KDM8: variants seen among roughly 807,000 people sequenced by gnomAD.
KDM8 encodes the protein lysine demethylase 8.
In KDM8, 35 loss-of-function variants were observed where a neutral mutation model predicts 46.9. The ratio of observed to expected loss-of-function variants is 0.75; its 90% CI spans 0.57 to 0.99. The LOEUF is 0.99. Among genes scored for constraint, KDM8 ranks in the 50% least tolerant of loss-of-function variants. The pLI, the probability that KDM8 is intolerant of heterozygous loss-of-function variation, is 0.00. For synonymous variants in KDM8, 232 were observed against 227.7 expected (o/e 1.02, Z -0.17); for missense variants, 475 against 537.0 (o/e 0.88, Z 1.14).
chr16:27,204,366 A>G, intron 1 of KDM8: 1 of 1,339,912 alleles, frequency 7.5e-7, no homozygotes, highest in East Asian at 3.1e-5. Flanking sequence ...CGACCCAAAC[A>G]CAAGACTGTG....
chr16:27,216,455 G>A (rs1044527047), intron 5 of KDM8, among the ~76,000 whole-genome samples: 1 of 152,206 alleles, frequency 6.6e-6, no homozygotes, highest in Non-Finnish European at 1.5e-5. Context: ...TCTGCCAGGA[G>A]TGCCCAGGAA....
intron 2 of KDM8, among the ~76,000 whole-genome samples, 197 bp downstream of exon 2, chr16:27,210,818 A>G (rs1356920258): frequency 6.6e-6 from 1 of 152,240 alleles, no homozygotes; most frequent in Non-Finnish European, 1.5e-5. Context: ...GCTGGAGTGC[A>G]GTAGTGTGAT....
At chr16:27,213,456 T>G in intron 2 of KDM8, 129 bp from the exon 3 acceptor site, 1 of 833,028 alleles carries the variant, frequency 1.2e-6, no homozygotes, top group Non-Finnish European at 1.9e-6. Context: ...TAACAAACGT[T>G]GTCTATTGTT....
At chr16:27,203,870 G>A (rs888451646) in intron 1 of KDM8, 2 of 445,218 alleles carry the variant, frequency 4.5e-6, no homozygotes, top group East Asian at 3.6e-5. Context: ...CCGCGCGTGC[G>A]TATGCTCGTC....
At chr16:27,215,529 C>G (rs1269204829) in intron 4 of KDM8, among the ~76,000 whole-genome samples, 2 of 152,128 alleles carry the variant, frequency 1.3e-5, no homozygotes, top group African/African-American at 4.8e-5. Context: ...TGCAGTGAGC[C>G]AAGATCAGGC....
intron 2 of KDM8, chr16:27,211,816 T>A (rs2083487514): frequency 6.6e-6 from 1 of 152,110 alleles, no homozygotes; most frequent in Non-Finnish European, 1.5e-5. Flanking sequence ...GTAGCTGGGA[T>A]TATAGGCACC....
rs1203895125 is a variant in KDM8 at position 27,220,872 on chromosome 16, G to T, written c.*142G>T. ...CACTGCCCAGTGGCAGCCCTGGGGGGCTGAGCTCCAGCACTGGACAGGCAC... is the reference window on the plus strand; with the variant it reads ...CACTGCCCAGTGGCAGCCCTGGGGGTCTGAGCTCCAGCACTGGACAGGCAC... On this transcript the variant is annotated 3_prime_UTR_variant, in exon 8 of 8. Coordinates refer to ENST00000286096, the MANE Select transcript of KDM8 (RefSeq NM_024773.3). 1 of 998,958 alleles carries T rather than the reference G, an allele frequency of 1.0e-6. No homozygotes were observed. Among genetic ancestry groups the T allele is most frequent in the East Asian group, 2.5e-5 (1 of 40,008 alleles). 61.9% of individuals were successfully genotyped at this position (998,958 alleles called of 1,614,324 possible).
intron 1 of KDM8, among the ~76,000 whole-genome samples, chr16:27,204,706 G>A (rs2083410750): frequency 6.6e-6 from 1 of 152,148 alleles, no homozygotes; most frequent in Non-Finnish European, 1.5e-5. Flanking sequence ...TACTCAGGGA[G>A]GTGCTTTAGA....
chr16:27,217,674 G>C (rs2140974646), intron 5 of KDM8, among the ~76,000 whole-genome samples: 1 of 152,312 alleles, frequency 6.6e-6, no homozygotes, highest in Admixed American at 6.5e-5. Flanking sequence ...AGCTTTTCCT[G>C]GTACACACTG....
rs1428452787 is a variant in KDM8 at position 27,210,529 on chromosome 16, G to A, written c.406G>A (p.Asp136Asn). ...GCTGATGGGGGCAGCCATCCTGGGG[G>A]ACATCCTTCTTAAAGTCGCTGCCAT... is the stretch of plus-strand genomic sequence containing the variant. ...GLLMGAAILGDILLKVAAILQ... is the reference protein window; with the variant it reads ...GLLMGAAILGNILLKVAAILQ... The change falls in exon 2 of 8, where the codon GAC becomes AAC. Residue 136 changes from aspartate (D) to asparagine (N), a missense_variant. Transcript: ENST00000286096. 4 of 1,543,038 alleles carry A rather than the reference G, an allele frequency of 2.6e-6. No individual in the cohort carries two copies. The highest frequency in any genetic ancestry group is 3.5e-6 in the Non-Finnish European group (4 of 1,143,650).
chr16:27,213,545 T>C, intron 2 of KDM8, 40 bp from the exon 3 acceptor site: 1 of 1,605,256 alleles, frequency 6.2e-7, no homozygotes, highest in Middle Eastern at 1.7e-4. Flanking sequence ...GTCGACTTCC[T>C]GAGGTGGTTG....
At chr16:27,218,584 G>A (rs1380874447) in intron 5 of KDM8, among the ~76,000 whole-genome samples, 1 of 152,244 alleles carries the variant, frequency 6.6e-6, no homozygotes, top group African/African-American at 2.4e-5. Flanking sequence ...GCTCACGCCT[G>A]TAATCCCAGT....
intron 1 of KDM8, chr16:27,204,529 G>T (rs1357766547): frequency 4.1e-6 from 1 of 243,496 alleles, no homozygotes; most frequent in East Asian, 1.1e-4. Flanking sequence ...TAGAGAACTG[G>T]ACCGCCTGTT....
At chr16:27,203,846 T>G (rs769952681) in intron 1 of KDM8, 15 of 426,008 alleles carry the variant, frequency 3.5e-5, no homozygotes, top group Admixed American at 2.6e-4. Context: ...TGCGGGAGGA[T>G]AAAGGGAAAG....
At chr16:27,204,166 C>T in intron 1 of KDM8, 3 of 1,511,350 alleles carry the variant, frequency 2.0e-6, no homozygotes, top group South Asian at 1.2e-5. Flanking sequence ...GGGCTCAAGG[C>T]CAGTGCGGGG....
intron 1 of KDM8, 147 bp from the exon 2 acceptor site, chr16:27,209,945 GA>G: frequency 2.5e-6 from 2 of 786,338 alleles, no homozygotes; most frequent in Non-Finnish European, 4.0e-6. Flanking sequence ...ACCCCAGACA[GA>G]TGAGGGCCCT....
intron 6 of KDM8, 135 bp downstream of exon 6, chr16:27,219,245 T>A: frequency 3.0e-6 from 3 of 1,000,498 alleles, no homozygotes; most frequent in Admixed American, 3.1e-5. Context: ...GACAAAAATA[T>A]AAAGCAAACC....
Position 27,220,683 on chromosome 16 carries a change from G to A in KDM8, c.1204G>A (p.Val402Met), listed in dbSNP as rs141999943. 36 of 1,614,038 alleles carry A rather than the reference G, an allele frequency of 2.2e-5. No individual in the cohort carries two copies. The highest frequency in any genetic ancestry group is 2.7e-5 in the African/African-American group (2 of 74,926). ...LFIPVKYWHY[V>M]RALDLSFSVS... ...CATCCCGGTGAAATACTGGCATTAC[G>A]TGCGGGCTCTGGATTTGAGCTTCTC... The change falls in exon 8 of 8, where the codon GTG (valine) becomes ATG (methionine). Residue 402 changes from valine to methionine, a missense_variant. Transcript: ENST00000286096.
chr16:27,204,092 T>G, intron 1 of KDM8: 1 of 1,547,446 alleles, frequency 6.5e-7, no homozygotes, highest in South Asian at 1.2e-5. Flanking sequence ...AGGTCCCAAA[T>G]ATGAGCCGCG....
Sources: gnomAD v4.1 joint callset for allele counts (sites outside exome capture counted in the v4.1 genomes callset) on GRCh38, gnomAD v4.1.1 for gene constraint, MANE v1.5 for transcripts, NCBI Gene and HGNC (gene_info 2026-07-23, HGNC 2026-07-21) for gene names.